The following MGAT4C variants were observed in gnomAD, a reference collection of about 807,000 sequenced individuals.
MGAT4C encodes the protein MGAT4 family member C.
MGAT4C carries 19 observed loss-of-function variants against 40.1 expected under a neutral mutation model. The ratio of observed to expected loss-of-function variants is 0.47; its 90% CI spans 0.33 to 0.70. MGAT4C has a LOEUF of 0.70. Among genes scored for constraint, MGAT4C ranks in the 30% least tolerant of loss-of-function variants. MGAT4C has a pLI of 0.02. For missense variants in MGAT4C, 491 were observed against 563.2 expected (o/e 0.87, Z 1.30); for synonymous variants, 181 against 187.1 (o/e 0.97, Z 0.27).
rs377174005 is a variant in MGAT4C at position 86,627,978 on chromosome 12, A to C, written c.-229+99231T>G. The stretch of plus-strand genomic sequence containing the variant: ...AAAGGAGGATGTTCAAACCCATCAC[A>C]AGGAAGCTAAAAACCTTGAAAAAAG... On this transcript the variant is annotated intron_variant, in intron 2 of 7. Coordinates refer to the MGAT4C transcript ENST00000548651. 6.6e-5 allele frequency among the ~76,000 whole-genome samples: 10 copies of C among 152,296 alleles called. No homozygotes were observed. The East Asian group carries it at 1.7e-3, about 27-fold the overall frequency.
At chr12:86,713,951 G>A (rs1264848400) in intron 2 of MGAT4C, among the ~76,000 whole-genome samples, 3 of 152,004 alleles carry the variant, frequency 2.0e-5, no homozygotes, top group Non-Finnish European at 2.9e-5. Flanking sequence ...TATGCTAGAA[G>A]CATATTAGAA....
At chr12:86,763,806 T>A (rs1391719940) in intron 1 of MGAT4C, among the ~76,000 whole-genome samples, 1 of 152,100 alleles carries the variant, frequency 6.6e-6, no homozygotes, top group Non-Finnish European at 1.5e-5. Context: ...AAATTACACT[T>A]ATAGATCATT....
intron 1 of MGAT4C, among the ~76,000 whole-genome samples, chr12:86,165,994 A>C (rs1886152306): frequency 6.6e-6 from 1 of 152,176 alleles, no homozygotes; most frequent in African/African-American, 2.4e-5. Context: ...AAATTTAAGC[A>C]GTGTCTAAAT....
intron 2 of MGAT4C, among the ~76,000 whole-genome samples, chr12:86,515,172 G>A (rs1483036888): frequency 2.0e-5 from 3 of 152,074 alleles, no homozygotes; most frequent in Non-Finnish European, 4.4e-5. Flanking sequence ...CAAACATCTG[G>A]CAGCTAGCAT....
At chr12:86,079,042 G>C (rs1242476198) in intron 1 of MGAT4C, among the ~76,000 whole-genome samples, 1 of 152,156 alleles carries the variant, frequency 6.6e-6, no homozygotes, top group African/African-American at 2.4e-5. Flanking sequence ...TTAGAAGGAA[G>C]ACCACACAAA....
chr12:86,416,312 A>C (rs577010252), intron 3 of MGAT4C, among the ~76,000 whole-genome samples: 3 of 152,242 alleles, frequency 2.0e-5, no homozygotes, highest in Admixed American at 1.3e-4. Context: ...TTCTGAGATA[A>C]AAATTTTTCT....
intron 3 of MGAT4C, among the ~76,000 whole-genome samples, chr12:86,369,013 C>G (rs570716873): frequency 6.6e-6 from 1 of 151,540 alleles, no homozygotes; most frequent in African/African-American, 2.4e-5. Context: ...TTATTTCAGA[C>G]GTCAATATTT....
chr12:86,115,174 T>C (rs2135661567), intron 1 of MGAT4C, among the ~76,000 whole-genome samples: 1 of 152,012 alleles, frequency 6.6e-6, no homozygotes, highest in East Asian at 1.9e-4. Flanking sequence ...TCTTTTAAGA[T>C]AAAGATAAGG....
chr12:86,616,854 CAG>C (rs1243824382), intron 2 of MGAT4C, among the ~76,000 whole-genome samples: 2 of 152,022 alleles, frequency 1.3e-5, no homozygotes, highest in Non-Finnish European at 2.9e-5. Context: ...ACCATTTAGA[CAG>C]GGGAATAAAT....
At chr12:86,645,299 A>C (rs1407265578) in intron 2 of MGAT4C, among the ~76,000 whole-genome samples, 2 of 151,776 alleles carry the variant, frequency 1.3e-5, no homozygotes, top group Non-Finnish European at 2.9e-5. Flanking sequence ...TTCCTTCTGA[A>C]AAATTAAAAT....
intron 2 of MGAT4C, among the ~76,000 whole-genome samples, chr12:86,684,185 T>C (rs1460259947): frequency 3.3e-5 from 5 of 151,982 alleles, no homozygotes; most frequent in Admixed American, 3.3e-4. Flanking sequence ...CTCCCCTTGC[T>C]CCTCACCCCT....
chr12:86,442,386 C>T (rs553618927), intron 2 of MGAT4C, among the ~76,000 whole-genome samples: 29 of 152,114 alleles, frequency 1.9e-4, no homozygotes, highest in Admixed American at 5.2e-4. Context: ...GTGTTGCCAT[C>T]GCTTTTGGTG....
intron 2 of MGAT4C, among the ~76,000 whole-genome samples, chr12:86,646,241 T>C (rs1358736132): frequency 6.6e-6 from 1 of 151,894 alleles, no homozygotes; most frequent in Non-Finnish European, 1.5e-5. Context: ...ATGGCTATGG[T>C]TAAAGACCAG....
At position 86,310,264 on chromosome 12, in the gene MGAT4C, C is replaced by A. The variant is rs181955719; in HGVS notation, c.-57+23801G>T. Among the ~76,000 whole-genome samples the A allele has an allele frequency of 3.5e-3, 535 of 151,572 alleles. 3 individuals are homozygous for A. The highest frequency in any genetic ancestry group is 0.012 in the African/African-American group (512 of 41,292). On this transcript the variant is annotated intron_variant, in intron 4 of 7. Coordinates refer to the MGAT4C transcript ENST00000548651. ...ATTTCTTTTTATTTTGTTTTTAAATCAGCTTTCTTTCCTTGCATTTGATAG... is the reference window on the plus strand; with the variant it reads ...ATTTCTTTTTATTTTGTTTTTAAATAAGCTTTCTTTCCTTGCATTTGATAG...
chr12:86,488,361 A>T (rs1958065633), intron 2 of MGAT4C, among the ~76,000 whole-genome samples: 1 of 151,258 alleles, frequency 6.6e-6, no homozygotes, highest in African/African-American at 2.4e-5. Context: ...AGGGAGATTG[A>T]GGCTGCAGTG....
chr12:86,307,816 C>A (rs1953976654), intron 4 of MGAT4C, among the ~76,000 whole-genome samples: 1 of 150,132 alleles, frequency 6.7e-6, no homozygotes, highest in South Asian at 2.1e-4. Context: ...CATTCTCCTG[C>A]CTCAGCCTCC....
chr12:86,593,710 G>A (rs1393097587), intron 2 of MGAT4C, among the ~76,000 whole-genome samples: 2 of 151,868 alleles, frequency 1.3e-5, no homozygotes, highest in African/African-American at 4.8e-5. Flanking sequence ...TATGATTATT[G>A]GAAAATGCAC....
chr12:86,475,175 CTT>C (rs1296841317), intron 2 of MGAT4C, among the ~76,000 whole-genome samples: 1 of 151,952 alleles, frequency 6.6e-6, no homozygotes, highest in Non-Finnish European at 1.5e-5. Flanking sequence ...CTCTTTAAAA[CTT>C]AGGTTCCTCA....
chr12:86,184,661 T>C (rs1888529918), intron 1 of MGAT4C, among the ~76,000 whole-genome samples: 1 of 150,510 alleles, frequency 6.6e-6, no homozygotes, highest in South Asian at 2.1e-4. Flanking sequence ...CTCCTTTCCT[T>C]TCTCTCTTTG....
Sources: gnomAD v4.1 joint callset for allele counts (sites outside exome capture counted in the v4.1 genomes callset) on GRCh38, gnomAD v4.1.1 for gene constraint, MANE v1.5 for transcripts, NCBI Gene and HGNC (gene_info 2026-07-23, HGNC 2026-07-21) for gene names.